RGP1: variants seen among roughly 807,000 people sequenced by gnomAD.
RGP1 encodes RGP1 partner of RAB6A GEF complex.
A neutral mutation model predicts 44.5 loss-of-function variants in RGP1; 28 were observed. The ratio of observed to expected loss-of-function variants is 0.63; its 90% confidence interval spans 0.47 to 0.86. The LOEUF is 0.86. Ranked by LOEUF, RGP1 falls within the 40% of genes least tolerant of loss-of-function variation. The pLI, the probability that RGP1 is intolerant of heterozygous loss-of-function variation, is 0.00. For missense variants in RGP1, 417 were observed against 490.7 expected (o/e 0.85, Z 1.42); for synonymous variants, 212 against 196.7 (o/e 1.08, Z -0.65).
chr9:35,778,310 G>T, the RGP1 span, among the ~76,000 whole-genome samples: 11 of 152,130 alleles, frequency 7.2e-5, no homozygotes, highest in South Asian at 1.0e-3. Flanking sequence ...GTCAAAAAAA[G>T]GTATACAAAA....
chr9:35,783,581 A>G, the RGP1 span, among the ~76,000 whole-genome samples: 2 of 152,014 alleles, frequency 1.3e-5, no homozygotes, highest in African/African-American at 4.8e-5. Flanking sequence ...CTGTGGTATA[A>G]TGTCCTCCAG....
chr9:35,774,281 AGACT>A, the RGP1 span, among the ~76,000 whole-genome samples: 2 of 152,300 alleles, frequency 1.3e-5, no homozygotes, highest in African/African-American at 4.8e-5. Flanking sequence ...CCTCCCTGAG[AGACT>A]GACTGTGCTC....
downstream of RGP1, among the ~76,000 whole-genome samples, chr9:35,760,842 A>G (rs984704805): frequency 6.6e-6 from 1 of 152,174 alleles, no homozygotes; most frequent in South Asian, 2.1e-4. Flanking sequence ...TTTTGGCCCC[A>G]TGATGCCAAC....
At position 35,749,719 on chromosome 9, in the gene RGP1, C is replaced by T. The variant is rs1381421535; in HGVS notation, c.-19-18C>T. Reference sequence around the variant, plus strand: ...CCTGTCAAGGTGCTGACCTCCGCCCCGCCTTGTTTCCTTCTAGATCTGATT... The same window carrying T: ...CCTGTCAAGGTGCTGACCTCCGCCCTGCCTTGTTTCCTTCTAGATCTGATT... On this transcript the variant is annotated intron_variant, in intron 1 of 8. Transcript: ENST00000378078. The surrounding 1 kb of genome is among the most constrained non-coding windows in gnomAD (Gnocchi z 4.4). 6.7e-7 allele frequency: 1 copy of T among 1,495,720 alleles called. No individual in the cohort carries two copies. The highest frequency in any genetic ancestry group is 1.7e-5 in the Admixed American group (1 of 58,364). 92.7% of individuals were successfully genotyped at this position (1,495,720 alleles called of 1,614,324 possible).
At chr9:35,778,390 T>G in the RGP1 span, among the ~76,000 whole-genome samples, 1 of 152,214 alleles carries the variant, frequency 6.6e-6, no homozygotes, top group Non-Finnish European at 1.5e-5. Flanking sequence ...CAGGGAGGTA[T>G]TCGCTGTTAA....
rs956715404 is a variant in RGP1, at chr9:35,756,467, G to T, written c.*3593G>T. ...CCTAGTCAGGACTGATACCCTTTCC[G>T]TTTCAGAGGATTGCCAAGAAAAAAC... On this transcript the variant is annotated 3_prime_UTR_variant, in exon 9 of 9. Transcript: ENST00000378078. The T allele has an allele frequency of 1.3e-5, 2 of 152,462 alleles. No individual in the cohort carries two copies. The highest frequency in any genetic ancestry group is 2.4e-5 in the African/African-American group (1 of 41,452). The allele number at this position is 152,462 out of a possible 1,614,324, so 9.4% of individuals were successfully genotyped here.
chr9:35,749,961 C>A lies in RGP1; in HGVS notation c.116+90C>A. 9.8e-7 allele frequency: 1 copy of A among 1,020,170 alleles called. No homozygotes were observed. Among genetic ancestry groups the A allele is most frequent in the Non-Finnish European group, 1.5e-6 (1 of 672,444 alleles). The allele number at this position is 1,020,170 out of a possible 1,614,324, so 63.2% of individuals were successfully genotyped here. A position where few individuals can be genotyped will look rare whatever the true frequency, so the allele number is the denominator to read the frequency against. ...AGGCAGAGCTCAGGTTGTCCTGTAG[C>A]GACACCACCTCCTCTTGCTCACTGT... On this transcript the variant is annotated intron_variant, in intron 2 of 8. Transcript: ENST00000378078. The surrounding 1 kb of genome is among the most constrained non-coding windows in gnomAD (Gnocchi z 4.4).
At chr9:35,771,270 C>G in the RGP1 span, among the ~76,000 whole-genome samples, 2,505 of 152,126 alleles carry the variant, frequency 0.016, 60 homozygotes, top group African/African-American at 0.057. Context: ...GCAGTCAGCC[C>G]GGAGCACAGC....
chr9:35,750,470 T>C (rs1334573396), intron 3 of RGP1, 91 bp downstream of exon 3: 1 of 1,461,900 alleles, frequency 6.8e-7, no homozygotes, highest in Non-Finnish European at 9.5e-7. Context: ...TAATTGTTCT[T>C]GTTCTTATAG....
the RGP1 span, among the ~76,000 whole-genome samples, chr9:35,788,117 G>T: frequency 2.6e-5 from 4 of 152,224 alleles, no homozygotes; most frequent in Non-Finnish European, 4.4e-5. Context: ...GAATCCCATG[G>T]TGGTTGCAGA....
In RGP1 at chr9:35,756,495, AC is replaced by A. The variant is rs1216047752; in HGVS notation, c.*3622del. 6.6e-6 allele frequency: 1 copy of A among 152,578 alleles called. No individual in the cohort carries two copies. The highest frequency in any genetic ancestry group is 2.4e-5 in the African/African-American group (1 of 41,462). The allele number at this position is 152,578 out of a possible 1,614,324, so 9.5% of individuals were successfully genotyped here. A position where few individuals can be genotyped will look rare whatever the true frequency, so the allele number is the denominator to read the frequency against. Reference sequence around the variant, plus strand: ...TCAGAGGATTGCCAAGAAAAAACTCACAGTTGAGGCAGGGTGCTCTGAGGTC... The same window carrying A: ...TCAGAGGATTGCCAAGAAAAAACTCAAGTTGAGGCAGGGTGCTCTGAGGTC... On this transcript the variant is annotated 3_prime_UTR_variant, in exon 9 of 9. Coordinates refer to ENST00000378078, the MANE Select transcript of RGP1 (RefSeq NM_001080496.3).
At chr9:35,788,573 G>GAA in the RGP1 span, among the ~76,000 whole-genome samples, 23 of 117,704 alleles carry the variant, frequency 2.0e-4, no homozygotes, top group South Asian at 1.3e-3. Flanking sequence ...CTCAAAAAAA[G>GAA]AAAAAAAAAA....
the RGP1 span, among the ~76,000 whole-genome samples, chr9:35,777,459 T>G: frequency 1.4e-5 from 2 of 142,184 alleles, no homozygotes; most frequent in African/African-American, 5.3e-5. Flanking sequence ...TTTTTTTTTT[T>G]GTACTTGTTT....
chr9:35,766,347 G>A, the RGP1 span, among the ~76,000 whole-genome samples: 149 of 152,176 alleles, frequency 9.8e-4, no homozygotes, highest in Non-Finnish European at 1.6e-3. Context: ...TTGTTACTGA[G>A]TTTTAAGAGT....
chr9:35,753,542 G>C lies in RGP1; in HGVS notation c.*668G>C. 1 of 903,452 alleles carries C rather than the reference G, an allele frequency of 1.1e-6. No individual in the cohort carries two copies. 56.0% of individuals were successfully genotyped at this position (903,452 alleles called of 1,614,324 possible). On this transcript the variant is annotated 3_prime_UTR_variant, in exon 9 of 9. Transcript: ENST00000378078. The surrounding 1 kb of genome is among the most constrained non-coding windows in gnomAD (Gnocchi z 4.2). ...CACTAGTGTTGGTCCCTTCAGGTTT[G>C]GCCCATCTTGTATTGCTCTTCTGTT...
chr9:35,788,839 C>G, the RGP1 span, among the ~76,000 whole-genome samples: 1 of 151,946 alleles, frequency 6.6e-6, no homozygotes, highest in East Asian at 1.9e-4. Context: ...TATACATAAC[C>G]GAAGTTCTCA....
downstream of RGP1, among the ~76,000 whole-genome samples, chr9:35,759,304 C>T (rs908223054): frequency 1.1e-4 from 17 of 152,102 alleles, no homozygotes; most frequent in African/African-American, 3.9e-4. Flanking sequence ...GTGGCTCACA[C>T]CTGTAATCCC....
chr9:35,760,709 A>G (rs1827410360), downstream of RGP1, among the ~76,000 whole-genome samples: 1 of 151,796 alleles, frequency 6.6e-6, no homozygotes, highest in Non-Finnish European at 1.5e-5. Flanking sequence ...TTTACAAGAC[A>G]CTACCTTCCC....
chr9:35,789,238 G>A, the RGP1 span, among the ~76,000 whole-genome samples: 12 of 151,430 alleles, frequency 7.9e-5, no homozygotes, highest in African/African-American at 2.4e-4. Context: ...GCCTAGTCTC[G>A]AACTCCTGAC....
Sources: gnomAD v4.1 joint callset for allele counts (sites outside exome capture counted in the v4.1 genomes callset) on GRCh38, gnomAD v4.1.1 for gene constraint, Gnocchi (gnomAD v3.1) non-coding constraint, MANE v1.5 for transcripts, NCBI Gene and HGNC (gene_info 2026-07-23, HGNC 2026-07-21) for gene names.